The following MGST1 variants were observed in gnomAD, a reference collection of about 807,000 sequenced individuals.
MGST1 encodes the protein microsomal glutathione S-transferase 1.
In MGST1, 5 loss-of-function variants were observed where a neutral mutation model predicts 8.9. The ratio of observed to expected loss-of-function variants is 0.56; its 90% CI spans 0.29 to 1.19. The LOEUF (loss-of-function observed/expected upper bound fraction) is 1.19. MGST1 is among the 50% of genes most tolerant of loss of function. The pLI is 0.08. For synonymous variants in MGST1, 54 were observed against 67.8 expected (o/e 0.80, Z 1.00); for missense variants, 182 against 187.4 (o/e 0.97, Z 0.17).
intron 3 of MGST1, among the ~76,000 whole-genome samples, chr12:16,358,872 G>C (rs1939859185): frequency 7.4e-6 from 1 of 134,546 alleles, no homozygotes; most frequent in Non-Finnish European, 1.5e-5. Flanking sequence ...CATATTGATG[G>C]ACACCTAGGT....
intron 4 of MGST1, among the ~76,000 whole-genome samples, chr12:16,493,628 A>T (rs1941453146): frequency 6.6e-6 from 1 of 152,146 alleles, no homozygotes; most frequent in South Asian, 2.1e-4. Flanking sequence ...TTGGTTAAGA[A>T]GTGTTCTTAC....
At chr12:16,476,408 A>G (rs954506441) in intron 4 of MGST1, among the ~76,000 whole-genome samples, 1 of 152,212 alleles carries the variant, frequency 6.6e-6, no homozygotes, top group Admixed American at 6.5e-5. Context: ...TTGAGCAAGA[A>G]CAATATATCA....
At chr12:16,418,451 T>C (rs1418086200) in intron 1 of MGST1, among the ~76,000 whole-genome samples, 1 of 152,206 alleles carries the variant, frequency 6.6e-6, no homozygotes, top group Admixed American at 6.5e-5. Context: ...TTATCACATA[T>C]ATCAGCAGAA....
chr12:16,461,612 G>T (rs540904940), intron 4 of MGST1, among the ~76,000 whole-genome samples: 93 of 152,154 alleles, frequency 6.1e-4, no homozygotes, highest in Non-Finnish European at 1.1e-3. Context: ...ACATGAGAAG[G>T]GGTTCGAACC....
intron 1 of MGST1, among the ~76,000 whole-genome samples, chr12:16,434,709 A>G (rs186097745): frequency 6.6e-6 from 1 of 151,674 alleles, no homozygotes; most frequent in African/African-American, 2.4e-5. Flanking sequence ...TGGGAGTGCT[A>G]AATTGTTTTT....
chr12:16,552,637 A>G (rs1173150587), intron 4 of MGST1, among the ~76,000 whole-genome samples: 1 of 152,056 alleles, frequency 6.6e-6, no homozygotes, highest in Non-Finnish European at 1.5e-5. Context: ...TCTTAAAGGA[A>G]AATTGGTCTA....
At chr12:16,444,184 T>G (rs1051105363) in intron 4 of MGST1, among the ~76,000 whole-genome samples, 7 of 125,146 alleles carry the variant, frequency 5.6e-5, no homozygotes, top group Non-Finnish European at 9.9e-5. Context: ...GCTGATTTGG[T>G]TTTTTTTTTT....
chr12:16,566,418 A>G (rs1942612087), intron 4 of MGST1, among the ~76,000 whole-genome samples: 1 of 152,110 alleles, frequency 6.6e-6, no homozygotes, highest in Non-Finnish European at 1.5e-5. Flanking sequence ...TTTTCAACAC[A>G]CAAAAAAATG....
chr12:16,450,503 A>T (rs1941120293), intron 4 of MGST1, among the ~76,000 whole-genome samples: 1 of 151,966 alleles, frequency 6.6e-6, no homozygotes, highest in South Asian at 2.1e-4. Flanking sequence ...CCTTGATAAC[A>T]GTCAGAAGCT....
intron 2 of MGST1, among the ~76,000 whole-genome samples, chr12:16,355,328 C>T (rs546232890): frequency 1.3e-5 from 2 of 151,668 alleles, no homozygotes; most frequent in African/African-American, 2.4e-5. Context: ...CATGCCTCAG[C>T]GTCCCAAGTA....
intron 1 of MGST1, among the ~76,000 whole-genome samples, chr12:16,432,076 A>G (rs940060050): frequency 6.6e-6 from 1 of 152,110 alleles, no homozygotes; most frequent in African/African-American, 2.4e-5. Flanking sequence ...TCCATTTGTT[A>G]TCTGCTTTTA....
intron 4 of MGST1, among the ~76,000 whole-genome samples, chr12:16,527,992 A>G (rs1941699710): frequency 1.3e-5 from 2 of 152,144 alleles, no homozygotes; most frequent in Admixed American, 6.6e-5. Context: ...GCCAGGCAAT[A>G]TGTGAAAATA....
chr12:16,557,902 CT>C (rs1220035653), intron 4 of MGST1, among the ~76,000 whole-genome samples: 1 of 152,016 alleles, frequency 6.6e-6, no homozygotes, highest in Non-Finnish European at 1.5e-5. Flanking sequence ...ATGTCACATT[CT>C]TTCTACTATT....
At chr12:16,422,216 TC>T (rs1940844265) in intron 1 of MGST1, among the ~76,000 whole-genome samples, 1 of 152,224 alleles carries the variant, frequency 6.6e-6, no homozygotes, top group South Asian at 2.1e-4. Context: ...AGCCCTCTGA[TC>T]AACCAGCCCA....
intron 4 of MGST1, among the ~76,000 whole-genome samples, chr12:16,527,506 G>A (rs1421429768): frequency 3.9e-5 from 6 of 151,988 alleles, no homozygotes; most frequent in Non-Finnish European, 8.8e-5. Context: ...TTATGGAGCA[G>A]GCAGGAGATT....
At chr12:16,360,772 A>G (rs1271205078) in intron 3 of MGST1, among the ~76,000 whole-genome samples, 1 of 152,182 alleles carries the variant, frequency 6.6e-6, no homozygotes, top group African/African-American at 2.4e-5. Context: ...AGAGTGTTCC[A>G]TGGAGTCTAA....
intron 4 of MGST1, among the ~76,000 whole-genome samples, chr12:16,483,647 T>G (rs1323228087): frequency 6.6e-6 from 1 of 152,170 alleles, no homozygotes; most frequent in Non-Finnish European, 1.5e-5. Context: ...CAGTTTCAGT[T>G]CACCAGTAAT....
chr12:16,365,185 A>C (rs746356033), downstream of MGST1, among the ~76,000 whole-genome samples: 13 of 152,184 alleles, frequency 8.5e-5, no homozygotes, highest in Non-Finnish European at 1.9e-4. Context: ...CTGTCTCCCC[A>C]CAAACTTTCA....
rs200425035 is a variant in MGST1, at chr12:16,519,612, ATTAC to A, written n.483-69913_483-69910del. ...CTATATATATTGTGTATATCTTTTTATTACTTCATGCTTTTTGCTAACAAATAGA... is the reference window on the plus strand; with the variant it reads ...CTATATATATTGTGTATATCTTTTTATTCATGCTTTTTGCTAACAAATAGA... On this transcript the variant is annotated intron_variant and non_coding_transcript_variant, in intron 4 of 4. Transcript: ENST00000538857. Among the ~76,000 whole-genome samples the A allele has an allele frequency of 3.1e-4, 46 of 147,464 alleles. No homozygotes were observed. In the East Asian group the frequency reaches 8.8e-3, roughly 28 times the overall value.
Sources: gnomAD v4.1 joint callset for allele counts (sites outside exome capture counted in the v4.1 genomes callset) on GRCh38, gnomAD v4.1.1 for gene constraint, MANE v1.5 for transcripts, NCBI Gene and HGNC (gene_info 2026-07-23, HGNC 2026-07-21) for gene names.